HECW2: variants seen among roughly 807,000 people sequenced by gnomAD.
HECW2 encodes the protein HECT, C2 and WW domain containing E3 ubiquitin protein ligase 2.
Under a neutral mutation model 175.2 loss-of-function variants are expected in HECW2, and 61 were observed. The ratio of observed to expected loss-of-function variants is 0.35; its 90% CI spans 0.28 to 0.43. The LOEUF is 0.43. Ranked by LOEUF, HECW2 falls within the 20% of genes least tolerant of loss-of-function variation. The pLI, the probability that HECW2 is intolerant of heterozygous loss-of-function variation, is 1.00. For missense variants in HECW2, 1,524 were observed against 2,000.5 expected (o/e 0.76, Z 4.54); for synonymous variants, 671 against 731.0 (o/e 0.92, Z 1.32).
intron 1 of HECW2, among the ~76,000 whole-genome samples, chr2:196,511,988 A>C (rs1334175990): frequency 6.6e-6 from 1 of 152,234 alleles, no homozygotes; most frequent in East Asian, 1.9e-4. Flanking sequence ...TGCTCACTGC[A>C]TGTTCTGTGG....
intron 2 of HECW2, among the ~76,000 whole-genome samples, chr2:196,410,345 T>C (rs1205847462): frequency 6.6e-6 from 1 of 152,238 alleles, no homozygotes; most frequent in Non-Finnish European, 1.5e-5. Flanking sequence ...CAGGATCTAT[T>C]TGTAAGTGTG....
At chr2:196,329,927 T>C (rs1692296351) in intron 4 of HECW2, among the ~76,000 whole-genome samples, 1 of 152,214 alleles carries the variant, frequency 6.6e-6, no homozygotes, top group South Asian at 2.1e-4. Context: ...TTGATAAGAA[T>C]ATAGTTGATT....
chr2:196,210,467 G>C (rs1237497219), intron 28 of HECW2, among the ~76,000 whole-genome samples: 1 of 152,050 alleles, frequency 6.6e-6, no homozygotes, highest in African/African-American at 2.4e-5. Context: ...GGGACTCCAA[G>C]CATGCACCAC....
chr2:196,350,181 T>C (rs901464127), intron 2 of HECW2, among the ~76,000 whole-genome samples: 2 of 152,066 alleles, frequency 1.3e-5, no homozygotes, highest in African/African-American at 4.8e-5. Flanking sequence ...CTGGCTAACA[T>C]GGTGAAACCT....
chr2:196,231,957 C>A (rs1688075362), intron 21 of HECW2, among the ~76,000 whole-genome samples: 1 of 152,120 alleles, frequency 6.6e-6, no homozygotes, highest in Non-Finnish European at 1.5e-5. Context: ...CCACTGCACT[C>A]CAGCCTGGGT....
chr2:196,368,022 G>A (rs568315575), intron 2 of HECW2, among the ~76,000 whole-genome samples: 197 of 151,266 alleles, frequency 1.3e-3, no homozygotes, highest in African/African-American at 4.2e-3. Flanking sequence ...TTTTCCATTC[G>A]TCTGCTGTTA....
chr2:196,434,741 T>C (rs1361999200), intron 1 of HECW2, among the ~76,000 whole-genome samples: 2 of 152,252 alleles, frequency 1.3e-5, no homozygotes, highest in Non-Finnish European at 2.9e-5. Context: ...ATCTTCATTA[T>C]GCCATGTTTC....
chr2:196,336,618 G>A (rs890142607), intron 3 of HECW2, among the ~76,000 whole-genome samples: 1 of 151,872 alleles, frequency 6.6e-6, no homozygotes, highest in Non-Finnish European at 1.5e-5. Context: ...TTTAATAGTC[G>A]ACTAGGTAAC....
At chr2:196,531,217 C>T (rs1415360723) in intron 1 of HECW2, among the ~76,000 whole-genome samples, 1 of 152,182 alleles carries the variant, frequency 6.6e-6, no homozygotes, top group Admixed American at 6.5e-5. Flanking sequence ...AAGAGGAGAG[C>T]TGCCTATCAC....
chr2:196,313,437 T>C (rs1691574225), intron 10 of HECW2, among the ~76,000 whole-genome samples: 1 of 152,216 alleles, frequency 6.6e-6, no homozygotes, highest in Non-Finnish European at 1.5e-5. Context: ...CTCTCAACAG[T>C]GTCATGCTGA....
chr2:196,561,586 T>G (rs1020295581), intron 1 of HECW2, among the ~76,000 whole-genome samples: 2 of 152,166 alleles, frequency 1.3e-5, no homozygotes, highest in African/African-American at 2.4e-5. Flanking sequence ...CCTGCTGACA[T>G]GTGATGTCTC....
intron 1 of HECW2, among the ~76,000 whole-genome samples, chr2:196,485,799 A>C (rs966433642): frequency 6.6e-6 from 1 of 152,220 alleles, no homozygotes; most frequent in Non-Finnish European, 1.5e-5. Context: ...AATTCGTAAA[A>C]CAATAAAAAT....
chr2:196,308,214 C>G, intron 10 of HECW2, 129 bp from the exon 11 acceptor site: 3 of 593,984 alleles, frequency 5.1e-6, no homozygotes, highest in Non-Finnish European at 8.2e-6. Context: ...ATACATCTCA[C>G]TGCACTATCC....
intron 2 of HECW2, among the ~76,000 whole-genome samples, chr2:196,367,056 A>G (rs550768210): frequency 6.6e-6 from 1 of 152,194 alleles, no homozygotes; most frequent in Non-Finnish European, 1.5e-5. Context: ...GCATATAGCA[A>G]TGAACACAAT....
intron 2 of HECW2, among the ~76,000 whole-genome samples, chr2:196,388,459 A>G (rs1242932915): frequency 2.0e-5 from 3 of 152,186 alleles, no homozygotes; most frequent in African/African-American, 7.2e-5. Context: ...AATCCTAACA[A>G]CAACCTTATA....
intron 10 of HECW2, among the ~76,000 whole-genome samples, chr2:196,315,177 TGTG>T: frequency 6.6e-6 from 1 of 151,924 alleles, no homozygotes. Flanking sequence ...TGTGTGTGTG[TGTG>T]TGTGTGTGTG....
At chr2:196,316,020 T>C (rs1691681792) in intron 10 of HECW2, 1 of 152,240 alleles carries the variant, frequency 6.6e-6, no homozygotes, top group Non-Finnish European at 1.5e-5. Context: ...ACATTTTCCT[T>C]TTTTGACTCA....
chr2:196,387,457 G>A (rs1694381814), intron 2 of HECW2, among the ~76,000 whole-genome samples: 1 of 152,100 alleles, frequency 6.6e-6, no homozygotes, highest in Admixed American at 6.6e-5. Context: ...CCATCTGTGA[G>A]GAATAGGTCC....
intron 1 of HECW2, among the ~76,000 whole-genome samples, chr2:196,522,091 T>G (rs1220875459): frequency 6.6e-6 from 1 of 152,196 alleles, no homozygotes; most frequent in Non-Finnish European, 1.5e-5. Context: ...TAGTTTACAA[T>G]CCCACCAACA....
Sources: allele counts gnomAD v4.1 joint callset (sites outside exome capture counted in the v4.1 genomes callset), GRCh38; gene constraint gnomAD v4.1.1; transcripts MANE v1.5; gene names NCBI Gene and HGNC (gene_info 2026-07-23, HGNC 2026-07-21).